FAM83F: variants seen among roughly 807,000 people sequenced by gnomAD.
The protein encoded by FAM83F is scaffolding CK1 anchoring protein F, also known as protein FAM83F.
In FAM83F, 45 loss-of-function variants were observed where a neutral mutation model predicts 42.9. The ratio of observed to expected loss-of-function variants is 1.05; its 90% CI spans 0.83 to 1.35. The LOEUF (loss-of-function observed/expected upper bound fraction) is 1.35. FAM83F is among the 40% of genes most tolerant of loss of function. FAM83F has a pLI of 0.00. For synonymous variants in FAM83F, 306 were observed against 298.3 expected, an observed-to-expected ratio of 1.03 and a Z score of -0.27; for missense variants, 617 against 695.9, an observed-to-expected ratio of 0.89 and a Z score of 1.28.
intron 1 of FAM83F, among the ~76,000 whole-genome samples, chr22:40,000,658 T>G (rs1437397679): frequency 6.6e-6 from 1 of 152,162 alleles, no homozygotes; most frequent in African/African-American, 2.4e-5. Flanking sequence ...TGTTACTGGT[T>G]TTTGAATTCT....
Position 40,031,734 on chromosome 22 carries a change from G to T in FAM83F, c.*2169G>T, listed in dbSNP as rs1028901684. The T allele has an allele frequency of 3.9e-5, 6 of 152,292 alleles. No homozygotes were observed. The South Asian group carries it at 1.2e-3, about 32-fold the overall frequency. 9.4% of individuals were successfully genotyped at this position (152,292 alleles called of 1,614,324 possible). A position where few individuals can be genotyped will look rare whatever the true frequency, so the allele number is the denominator to read the frequency against. ...CCACAAGGCAGGAGTGCCCAGGCAGGGTGCCTCTCCCTGCTGGCCTGTGTC... is the reference window on the plus strand; with the variant it reads ...CCACAAGGCAGGAGTGCCCAGGCAGTGTGCCTCTCCCTGCTGGCCTGTGTC... On this transcript the variant is annotated 3_prime_UTR_variant, in exon 5 of 5. Transcript: ENST00000333407.
In FAM83F at chr22:40,033,042, G is replaced by A. The variant is rs1454116303; in HGVS notation, c.*3477G>A. Reference sequence around the variant, plus strand: ...AGGTAACAGTTTTCCTGTGTATTGGGGGAGTGGGTCTCATAAGGTTGTATG... The same window carrying A: ...AGGTAACAGTTTTCCTGTGTATTGGAGGAGTGGGTCTCATAAGGTTGTATG... On this transcript the variant is annotated 3_prime_UTR_variant, in exon 5 of 5. Transcript: ENST00000333407. 1 of 152,096 alleles carries A rather than the reference G, an allele frequency of 6.6e-6. No homozygotes were observed. Among genetic ancestry groups the A allele is most frequent in the Non-Finnish European group, 1.5e-5 (1 of 68,012 alleles). 9.4% of individuals were successfully genotyped at this position (152,096 alleles called of 1,614,324 possible). A position where few individuals can be genotyped will look rare whatever the true frequency, so the allele number is the denominator to read the frequency against.
At position 40,011,434 on chromosome 22, in the gene FAM83F, C is replaced by T. The variant is rs1435753333; in HGVS notation, c.490-7734C>T. The stretch of plus-strand genomic sequence containing the variant: ...CTGACCTCAGGTGATCCGCCCGCCT[C>T]GGCCTCCCAAAGGGCTGGGATAGTT... On this transcript the variant is annotated intron_variant, in intron 1 of 4. Coordinates refer to ENST00000333407, the MANE Select transcript of FAM83F (RefSeq NM_138435.4). Among the ~76,000 whole-genome samples, 6 of 152,052 alleles carry T rather than the reference C, an allele frequency of 3.9e-5. No individual in the cohort carries two copies. In the South Asian group the frequency reaches 8.3e-4, roughly 21 times the overall value.
In FAM83F at chr22:40,033,720, T is replaced by C. The variant is rs1378866176; in HGVS notation, c.*4155T>C. On this transcript the variant is annotated 3_prime_UTR_variant, in exon 5 of 5. Transcript: ENST00000333407. ...TCTTTTCTTCACAGTCCTGACCTGGTGGCCTGCACAGGCCACTTCTCCGAA... is the reference window on the plus strand; with the variant it reads ...TCTTTTCTTCACAGTCCTGACCTGGCGGCCTGCACAGGCCACTTCTCCGAA... 1 of 152,220 alleles carries C rather than the reference T, an allele frequency of 6.6e-6. No individual in the cohort carries two copies. The highest frequency in any genetic ancestry group is 2.4e-5 in the African/African-American group (1 of 41,450). The allele number at this position is 152,220 out of a possible 1,614,324, so 9.4% of individuals were successfully genotyped here. A position where few individuals can be genotyped will look rare whatever the true frequency, so the allele number is the denominator to read the frequency against.
chr22:40,027,126 G>A (rs1171289742), intron 4 of FAM83F, among the ~76,000 whole-genome samples: 2 of 152,204 alleles, frequency 1.3e-5, no homozygotes, highest in African/African-American at 2.4e-5. Context: ...CGAGGATTAG[G>A]GGAGGATGAC....
At chr22:40,009,326 A>T (rs1167291009) in intron 1 of FAM83F, among the ~76,000 whole-genome samples, 1 of 151,850 alleles carries the variant, frequency 6.6e-6, no homozygotes, top group African/African-American at 2.4e-5. Flanking sequence ...GAAGGGGTGA[A>T]GCTGGGGCTC....
intron 1 of FAM83F, among the ~76,000 whole-genome samples, chr22:40,006,411 G>A (rs2067429198): frequency 6.6e-6 from 1 of 152,164 alleles, no homozygotes; most frequent in Non-Finnish European, 1.5e-5. Flanking sequence ...GGATAGATGG[G>A]GAGACACCCT....
At chr22:40,018,597 C>A (rs947839112) in intron 1 of FAM83F, among the ~76,000 whole-genome samples, 16 of 147,142 alleles carry the variant, frequency 1.1e-4, no homozygotes, top group African/African-American at 4.2e-4. Flanking sequence ...TGCCACCACG[C>A]CTGGCTAATT....
intron 1 of FAM83F, among the ~76,000 whole-genome samples, chr22:40,017,298 G>T (rs1302021766): frequency 7.0e-6 from 1 of 142,500 alleles, no homozygotes; most frequent in Non-Finnish European, 1.5e-5. Context: ...GTACAATCTC[G>T]GCTCACTGCA....
chr22:40,024,572 G>A (rs1419799620), intron 4 of FAM83F, among the ~76,000 whole-genome samples: 1 of 152,158 alleles, frequency 6.6e-6, no homozygotes, highest in African/African-American at 2.4e-5. Flanking sequence ...CTCTCAATTC[G>A]GGACACATTG....
intron 1 of FAM83F, among the ~76,000 whole-genome samples, chr22:40,013,756 T>C (rs1232931300): frequency 6.6e-6 from 1 of 152,184 alleles, no homozygotes; most frequent in Non-Finnish European, 1.5e-5. Flanking sequence ...TATTAAATCA[T>C]ATTATCTTTT....
chr22:40,029,637 C>T lies in FAM83F; in HGVS notation c.*72C>T, dbSNP rs2146246594. On this transcript the variant is annotated 3_prime_UTR_variant, in exon 5 of 5. Transcript: ENST00000333407. ...GCCCTGTGCTGTGGAGAGCGCAGGTCGCACACTGCACCAGTTTGCACATCA... is the reference window on the plus strand; with the variant it reads ...GCCCTGTGCTGTGGAGAGCGCAGGTTGCACACTGCACCAGTTTGCACATCA... 6.4e-6 allele frequency: 10 copies of T among 1,566,312 alleles called. No individual in the cohort carries two copies. In the Admixed American group the frequency reaches 7.4e-5, roughly 12 times the overall value.
Position 39,995,643 on chromosome 22 carries a change from A to G in FAM83F, c.489+112A>G, listed in dbSNP as rs2067370885. 2 of 1,426,012 alleles carry G rather than the reference A, an allele frequency of 1.4e-6. No individual in the cohort carries two copies. Among genetic ancestry groups the G allele is most frequent in the Admixed American group, 5.7e-5 (2 of 34,938 alleles). The allele number at this position is 1,426,012 out of a possible 1,614,324, so 88.3% of individuals were successfully genotyped here. ...CAGGCCGCCCTGAGCACCCTCTGGA[A>G]AATGGGCCCCAACCCGCCCCTACTT... On this transcript the variant is annotated intron_variant, in intron 1 of 4. Transcript: ENST00000333407. The surrounding 1 kb of genome is among the most constrained non-coding windows in gnomAD (Gnocchi z 4.6).
In FAM83F at chr22:40,021,922, C is replaced by T. The variant is rs781508185; in HGVS notation, c.1412C>T (p.Thr471Met). The change falls in exon 4 of 5, where the codon ACG (threonine) becomes ATG (methionine). Residue 471 changes from threonine (T) to methionine (M), a missense_variant. By Grantham distance (81) the Thr-to-Met change is moderately conservative. Transcript: ENST00000333407. This position sits in a 1 kb window ranked among gnomAD's most constrained non-coding sequence, Gnocchi z 8.7. ...GAGACCTCTGAAGTGGAGTTTCTGA[C>T]GGGGAAGAGGCCCAACGAGAATTCC... ...STETSEVEFLTGKRPNENSSA... is the reference protein window; with the variant it reads ...STETSEVEFLMGKRPNENSSA... 37 of 1,581,628 alleles carry T rather than the reference C, an allele frequency of 2.3e-5. 1 individual carries two copies. Among genetic ancestry groups the T allele is most frequent in the South Asian group, 7.8e-5 (7 of 89,486 alleles).
chr22:39,995,383 C>T lies in FAM83F; in HGVS notation c.341C>T (p.Thr114Ile). ...SLAYWPDRSD[T>I]EVPPLDLGWT... is the part of the protein sequence containing the mutation. ...GCCTACTGGCCCGACCGTTCCGACA[C>T]CGAGGTGCCTCCTCTGGACCTGGGC... is the stretch of plus-strand genomic sequence containing the variant. The change falls in exon 1 of 5, where the codon ACC becomes ATC. Residue 114 changes from threonine to isoleucine, a missense_variant. Coordinates refer to ENST00000333407, the MANE Select transcript of FAM83F (RefSeq NM_138435.4). The surrounding 1 kb of genome is among the most constrained non-coding windows in gnomAD (Gnocchi z 4.6). 6.5e-7 allele frequency: 1 copy of T among 1,547,050 alleles called. No individual in the cohort carries two copies. Among genetic ancestry groups the T allele is most frequent in the Non-Finnish European group, 8.7e-7 (1 of 1,146,700 alleles).
chr22:40,011,850 G>A (rs1175052574), intron 1 of FAM83F, among the ~76,000 whole-genome samples: 1 of 152,174 alleles, frequency 6.6e-6, no homozygotes, highest in Admixed American at 6.5e-5. Flanking sequence ...ATATAGACCT[G>A]TGCAAAGATC....
At chr22:40,012,647 G>C (rs951624069) in intron 1 of FAM83F, among the ~76,000 whole-genome samples, 1 of 151,446 alleles carries the variant, frequency 6.6e-6, no homozygotes, top group Non-Finnish European at 1.5e-5. Flanking sequence ...GTGTGCACCT[G>C]TAATTCCAGC....
At chr22:40,018,026 G>A (rs1368601481) in intron 1 of FAM83F, among the ~76,000 whole-genome samples, 1 of 152,238 alleles carries the variant, frequency 6.6e-6, no homozygotes, top group Non-Finnish European at 1.5e-5. Context: ...GGTTTGTGTA[G>A]GAAGCTGGAA....
chr22:40,016,163 A>T (rs2067491183), intron 1 of FAM83F, among the ~76,000 whole-genome samples: 1 of 151,786 alleles, frequency 6.6e-6, no homozygotes, highest in African/African-American at 2.4e-5. Flanking sequence ...TACAGAAATA[A>T]CATTGTCAGT....
Sources: allele counts gnomAD v4.1 joint callset (sites outside exome capture counted in the v4.1 genomes callset), GRCh38; gene constraint gnomAD v4.1.1; non-coding constraint Gnocchi (gnomAD v3.1); transcripts MANE v1.5; gene names NCBI Gene and HGNC (gene_info 2026-07-23, HGNC 2026-07-21).